GPHN: variants seen among roughly 807,000 people sequenced by gnomAD.
GPHN encodes the protein gephyrin.
In GPHN, 17 loss-of-function variants were observed where a neutral mutation model predicts 95.5. The observed-to-expected ratio is 0.18, with a 90% CI of 0.12 to 0.27. The LOEUF (loss-of-function observed/expected upper bound fraction) is 0.27. Ranked by LOEUF, GPHN falls within the 10% of genes least tolerant of loss-of-function variation. The pLI is 1.00. For missense variants in GPHN, 660 were observed against 978.1 expected (o/e 0.67, Z 4.34); for synonymous variants, 320 against 322.5 (o/e 0.99, Z 0.08).
the GPHN span, among the ~76,000 whole-genome samples, chr14:67,534,336 T>G: frequency 1.3e-5 from 2 of 152,120 alleles, no homozygotes; most frequent in African/African-American, 4.8e-5. Flanking sequence ...CCCAGCACTT[T>G]GGGAAGCCAA....
intron 11 of GPHN, among the ~76,000 whole-genome samples, chr14:67,088,343 A>T (rs1051774727): frequency 6.6e-6 from 1 of 152,196 alleles, no homozygotes; most frequent in Non-Finnish European, 1.5e-5. Flanking sequence ...CTACTGATAT[A>T]TACACATATA....
intron 12 of GPHN, 78 bp downstream of exon 12, chr14:67,089,153 T>TTTTTTTTATTTTTTTTTC: frequency 2.0e-6 from 1 of 498,338 alleles, no homozygotes; most frequent in Non-Finnish European, 3.6e-6. Context: ...TTTTTTTTTT[T>TTTTTTTTATTTTTTTTTC]TTTTTCAAAT....
chr14:66,818,935 G>A (rs2061086086), intron 3 of GPHN, among the ~76,000 whole-genome samples: 1 of 151,412 alleles, frequency 6.6e-6, no homozygotes, highest in Non-Finnish European at 1.5e-5. Flanking sequence ...CTTTTTAATG[G>A]GTTTTTTCCC....
chr14:67,678,329 T>C, the GPHN span: 10 of 1,610,226 alleles, frequency 6.2e-6, no homozygotes, highest in Non-Finnish European at 8.5e-6. Flanking sequence ...TGTTAGTCTA[T>C]TGGGAGGCCC....
At chr14:66,574,343 A>G (rs1439466985) in intron 1 of GPHN, among the ~76,000 whole-genome samples, 3 of 152,130 alleles carry the variant, frequency 2.0e-5, no homozygotes, top group East Asian at 3.8e-4. Context: ...CATCTTTTAT[A>G]TATTGTGTAT....
the GPHN span, among the ~76,000 whole-genome samples, chr14:67,275,204 G>C: frequency 0.31 from 47,423 of 151,994 alleles, 11,334 homozygotes; most frequent in African/African-American, 0.64. Flanking sequence ...TGGCAGTTTT[G>C]AAAGAGAATG....
chr14:67,279,132 T>C, the GPHN span: 3 of 1,484,804 alleles, frequency 2.0e-6, no homozygotes, highest in South Asian at 3.0e-5. Flanking sequence ...ATAGGAAAAA[T>C]TGATTTATAA....
intron 3 of GPHN, 95 bp downstream of exon 3, chr14:66,776,616 A>T: frequency 1.3e-6 from 1 of 790,002 alleles, no homozygotes; most frequent in Non-Finnish European, 2.3e-6. Context: ...ATATTTGGCT[A>T]TGTTAGAATA....
chr14:66,759,246 G>C (rs2058676296), intron 2 of GPHN, among the ~76,000 whole-genome samples: 1 of 152,120 alleles, frequency 6.6e-6, no homozygotes, highest in Non-Finnish European at 1.5e-5. Flanking sequence ...ATAACTTGGG[G>C]TTCCTGGGTC....
At chr14:66,664,047 C>T (rs751810975) in intron 1 of GPHN, among the ~76,000 whole-genome samples, 4 of 152,060 alleles carry the variant, frequency 2.6e-5, no homozygotes, top group Admixed American at 6.5e-5. Context: ...ACTTTAACAC[C>T]GCACTGACAA....
At chr14:66,544,844 C>T (rs1035696028) in intron 1 of GPHN, among the ~76,000 whole-genome samples, 1 of 151,872 alleles carries the variant, frequency 6.6e-6, no homozygotes, top group African/African-American at 2.4e-5. Context: ...TCTTGCACCG[C>T]CCTTAATCCA....
chr14:66,996,248 T>C (rs1472275594), intron 9 of GPHN: 5 of 1,323,924 alleles, frequency 3.8e-6, no homozygotes, highest in Non-Finnish European at 5.2e-6. Flanking sequence ...TCTTACATGG[T>C]CAATAACATG....
the GPHN span, among the ~76,000 whole-genome samples, chr14:67,718,312 G>C: frequency 6.6e-6 from 1 of 152,212 alleles, no homozygotes; most frequent in Non-Finnish European, 1.5e-5. Flanking sequence ...GAAGGAGGAA[G>C]GGAGGAAGAG....
chr14:67,529,090 T>C, the GPHN span, among the ~76,000 whole-genome samples: 1 of 152,122 alleles, frequency 6.6e-6, no homozygotes, highest in Non-Finnish European at 1.5e-5. Flanking sequence ...CCTCATTTCA[T>C]AATATTTACT....
intron 2 of GPHN, among the ~76,000 whole-genome samples, chr14:66,761,700 C>A: frequency 6.7e-6 from 1 of 149,758 alleles, no homozygotes. Flanking sequence ...CTTTCTGTGG[C>A]CCAGGCTGGA....
At chr14:67,337,223 C>A in the GPHN span, among the ~76,000 whole-genome samples, 1 of 152,152 alleles carries the variant, frequency 6.6e-6, no homozygotes, top group East Asian at 1.9e-4. Context: ...TTAAAACTGC[C>A]TAGACTGGCT....
At chr14:67,662,974 C>A in the GPHN span, 61 of 1,350,498 alleles carry the variant, frequency 4.5e-5, no homozygotes, top group Admixed American at 1.2e-3. Context: ...CCACAGTGAA[C>A]CACTTCTATG....
the GPHN span, among the ~76,000 whole-genome samples, chr14:67,518,781 G>A: frequency 5.9e-5 from 9 of 152,142 alleles, no homozygotes; most frequent in Non-Finnish European, 1.0e-4. Context: ...GGTTCCCAGG[G>A]GCTGCCCTCT....
intron 10 of GPHN, among the ~76,000 whole-genome samples, chr14:67,045,562 TCTGTCTCC>T (rs1326275775): frequency 6.6e-6 from 1 of 151,974 alleles, no homozygotes; most frequent in Non-Finnish European, 1.5e-5. Flanking sequence ...TCTCTGTCTC[TCTGTCTCC>T]CCCTCTGTCT....
Sources: allele counts gnomAD v4.1 joint callset (sites outside exome capture counted in the v4.1 genomes callset), GRCh38; gene constraint gnomAD v4.1.1; transcripts MANE v1.5; gene names NCBI Gene and HGNC (gene_info 2026-07-23, HGNC 2026-07-21).